The following VAV3 variants were observed in gnomAD, a reference collection of about 807,000 sequenced individuals.
VAV3 encodes the protein guanine nucleotide exchange factor VAV3.
A neutral mutation model predicts 131.2 loss-of-function variants in VAV3; 94 were observed. The ratio of observed to expected loss-of-function variants is 0.72; its 90% CI spans 0.61 to 0.85. VAV3 has a LOEUF of 0.85. VAV3 is among the 40% of genes least tolerant of loss of function. VAV3 has a pLI of 0.00. For synonymous variants in VAV3, 349 were observed against 342.0 expected (o/e 1.02, Z -0.22); for missense variants, 939 against 1,002.7 (o/e 0.94, Z 0.86).
At chr1:107,888,440 C>G (rs937825335) in intron 1 of VAV3, among the ~76,000 whole-genome samples, 1 of 152,158 alleles carries the variant, frequency 6.6e-6, no homozygotes, top group Non-Finnish European at 1.5e-5. Flanking sequence ...GGCTTCTTCT[C>G]TACCCTGAGA....
At chr1:107,655,197 G>A (rs1339112192) in intron 19 of VAV3, among the ~76,000 whole-genome samples, 1 of 152,048 alleles carries the variant, frequency 6.6e-6, no homozygotes, top group Non-Finnish European at 1.5e-5. Flanking sequence ...TAAAGCTGGA[G>A]ATATCACACT....
intron 2 of VAV3, among the ~76,000 whole-genome samples, chr1:107,858,297 AG>A (rs1200601798): frequency 1.3e-5 from 2 of 152,228 alleles, no homozygotes; most frequent in African/African-American, 2.4e-5. Flanking sequence ...AAATTATACA[AG>A]ATTTTCTAAA....
chr1:107,704,109 T>C (rs1660301163), intron 17 of VAV3, among the ~76,000 whole-genome samples: 1 of 152,210 alleles, frequency 6.6e-6, no homozygotes, highest in South Asian at 2.1e-4. Flanking sequence ...TTAGTCTGTG[T>C]GATGTTTACT....
At chr1:107,776,512 T>C (rs1249455872) in intron 4 of VAV3, among the ~76,000 whole-genome samples, 1 of 152,176 alleles carries the variant, frequency 6.6e-6, no homozygotes. Context: ...GCAGAAAGAA[T>C]AGCAGGTGTA....
chr1:107,959,523 G>A (rs1395726188), intron 1 of VAV3, among the ~76,000 whole-genome samples: 1 of 152,060 alleles, frequency 6.6e-6, no homozygotes, highest in Non-Finnish European at 1.5e-5. Context: ...AGCAGCATTT[G>A]ACATGTCATC....
Position 107,903,288 on chromosome 1 carries a change from T to G in VAV3, c.205-28271A>C, listed in dbSNP as rs1671956949. On this transcript the variant is annotated intron_variant, in intron 1 of 26. Transcript: ENST00000370056. ...AAGCTTCTGCAGCTGTAACAAACAT[T>G]TGATCCAAGTAGACCAAATAATCTT... Among the ~76,000 whole-genome samples the G allele has an allele frequency of 1.3e-5, 2 of 152,140 alleles. 1 individual carries two copies. Among genetic ancestry groups the G allele is most frequent in the South Asian group, 4.1e-4 (2 of 4,824 alleles).
At chr1:107,921,864 G>T (rs1672915810) in intron 1 of VAV3, among the ~76,000 whole-genome samples, 1 of 152,138 alleles carries the variant, frequency 6.6e-6, no homozygotes. Context: ...GGTATTAAAA[G>T]TATGAGAAAT....
chr1:107,921,896 TGCTATTACACTAGTTCA>T (rs1229569116), intron 1 of VAV3, among the ~76,000 whole-genome samples: 2 of 152,192 alleles, frequency 1.3e-5, no homozygotes, highest in African/African-American at 4.8e-5. Context: ...TGCTATTCCT[TGCTATTACACTAGTTCA>T]TGGAGGATAA....
chr1:107,887,018 A>T (rs1190477609), intron 1 of VAV3, among the ~76,000 whole-genome samples: 1 of 152,270 alleles, frequency 6.6e-6, no homozygotes, highest in African/African-American at 2.4e-5. Context: ...AAGTAAAACA[A>T]GAAAGTAAAC....
chr1:107,728,410 G>C (rs1449743740), intron 15 of VAV3, among the ~76,000 whole-genome samples: 1 of 151,994 alleles, frequency 6.6e-6, no homozygotes, highest in South Asian at 2.1e-4. Context: ...GACTGGATAC[G>C]AAGTCTGAGA....
chr1:107,776,499 C>A (rs1665365404), intron 4 of VAV3, among the ~76,000 whole-genome samples: 1 of 152,192 alleles, frequency 6.6e-6, no homozygotes, highest in Non-Finnish European at 1.5e-5. Context: ...ATCAGTCAAA[C>A]AGGCAGAAAG....
chr1:107,749,216 A>G, intron 14 of VAV3, 139 bp from the exon 15 acceptor site: 1 of 820,030 alleles, frequency 1.2e-6, no homozygotes, highest in Non-Finnish European at 1.9e-6. Context: ...ATTGTAGTCA[A>G]CTTCATATCT....
At chr1:107,684,671 T>C (rs1022751858) in intron 18 of VAV3, among the ~76,000 whole-genome samples, 2 of 152,194 alleles carry the variant, frequency 1.3e-5, no homozygotes, top group African/African-American at 4.8e-5. Flanking sequence ...CTAGGATCAT[T>C]AAAATCAGCA....
intron 1 of VAV3, among the ~76,000 whole-genome samples, chr1:107,907,399 T>C (rs1468735139): frequency 6.6e-6 from 1 of 152,162 alleles, no homozygotes; most frequent in Non-Finnish European, 1.5e-5. Context: ...CCAAAAATAT[T>C]AATATATTCC....
At chr1:107,916,015 G>A (rs1402772310) in intron 1 of VAV3, among the ~76,000 whole-genome samples, 2 of 152,008 alleles carry the variant, frequency 1.3e-5, no homozygotes, top group Non-Finnish European at 2.9e-5. Context: ...ACTCAGCGTA[G>A]AAGTTCAGAG....
At chr1:107,764,676 C>A (rs1664638928) in intron 9 of VAV3, among the ~76,000 whole-genome samples, 1 of 152,188 alleles carries the variant, frequency 6.6e-6, no homozygotes, top group African/African-American at 2.4e-5. Flanking sequence ...GCATGAGCCA[C>A]CCTGCCCAGC....
At chr1:107,826,616 A>C (rs1264854571) in intron 2 of VAV3, among the ~76,000 whole-genome samples, 1 of 152,164 alleles carries the variant, frequency 6.6e-6, no homozygotes, top group African/African-American at 2.4e-5. Flanking sequence ...CAAACTGATG[A>C]ACTTCCAATG....
At chr1:107,776,254 C>T (rs1167412691) in intron 4 of VAV3, among the ~76,000 whole-genome samples, 1 of 152,146 alleles carries the variant, frequency 6.6e-6, no homozygotes, top group Non-Finnish European at 1.5e-5. Context: ...TACTATATGC[C>T]AGACACTGTG....
intron 2 of VAV3, among the ~76,000 whole-genome samples, chr1:107,834,280 G>T (rs1253294833): frequency 6.6e-6 from 1 of 152,126 alleles, no homozygotes; most frequent in Non-Finnish European, 1.5e-5. Context: ...TGTTCTGAAT[G>T]TCTTTAGTAC....
Sources: gnomAD v4.1 joint callset for allele counts (sites outside exome capture counted in the v4.1 genomes callset) on GRCh38, gnomAD v4.1.1 for gene constraint, MANE v1.5 for transcripts, NCBI Gene and HGNC (gene_info 2026-07-23, HGNC 2026-07-21) for gene names.